The following PRUNE2 variants were observed in gnomAD, a reference collection of about 807,000 sequenced individuals.
PRUNE2 encodes the protein protein prune homolog 2.
In PRUNE2, 164 loss-of-function variants were observed where a neutral mutation model predicts 252.0. The observed-to-expected ratio is 0.65, with a 90% confidence interval of 0.57 to 0.74. The LOEUF (loss-of-function observed/expected upper bound fraction) is 0.74. PRUNE2 is among the 30% of genes least tolerant of loss of function. The pLI, the probability that PRUNE2 is intolerant of heterozygous loss-of-function variation, is 0.00. For synonymous variants in PRUNE2, 1,292 were observed against 1,350.2 expected, an observed-to-expected ratio of 0.96 and a Z score of 0.94; for missense variants, 3,495 against 3,711.0, an observed-to-expected ratio of 0.94 and a Z score of 1.51.
intron 18 of PRUNE2, among the ~76,000 whole-genome samples, chr9:76,616,189 T>C (rs1233762421): frequency 2.0e-5 from 3 of 152,232 alleles, no homozygotes; most frequent in African/African-American, 7.2e-5. Context: ...GCCCTCTGAC[T>C]TGTTTTCTTA....
rs540716868 is a variant in PRUNE2, at chr9:76,707,979, T to A, written c.4295A>T (p.Lys1432Ile). The A allele has an allele frequency of 4.2e-5, 67 of 1,613,944 alleles. No homozygotes were observed. The highest frequency in any genetic ancestry group is 1.3e-4 in the Admixed American group (8 of 60,022). The change falls in exon 8 of 19, where the codon AAA (lysine) becomes ATA (isoleucine). Residue 1432 changes from lysine (K) to isoleucine (I), a missense_variant. Coordinates refer to ENST00000376718, the MANE Select transcript of PRUNE2 (RefSeq NM_015225.3). Reference sequence around the variant, plus strand: ...TGAATTTCTTTGACTCATGAGGTGTTTTTCATGGGTATCTTTTGGCTGCAG... The same window carrying A: ...TGAATTTCTTTGACTCATGAGGTGTATTTCATGGGTATCTTTTGGCTGCAG... Reference protein sequence around the residue: ...DNLQPKDTHEKHLMSQRNSGE... With the variant: ...DNLQPKDTHEIHLMSQRNSGE...
At chr9:76,631,472 T>C (rs1053511696) in intron 15 of PRUNE2, among the ~76,000 whole-genome samples, 1 of 152,198 alleles carries the variant, frequency 6.6e-6, no homozygotes, top group African/African-American at 2.4e-5. Flanking sequence ...TTGATGCAGA[T>C]TATCAGCTTT....
At chr9:76,734,352 C>T (rs753679377) in intron 6 of PRUNE2, among the ~76,000 whole-genome samples, 16 of 152,084 alleles carry the variant, frequency 1.1e-4, no homozygotes, top group Non-Finnish European at 2.1e-4. Flanking sequence ...TTAAGATCAT[C>T]GAACCTACAG....
At chr9:76,795,805 G>C (rs1224626763) in intron 6 of PRUNE2, among the ~76,000 whole-genome samples, 2 of 152,086 alleles carry the variant, frequency 1.3e-5, no homozygotes, top group Non-Finnish European at 2.9e-5. Flanking sequence ...AAAGCCCCAG[G>C]TGTACATAAA....
At chr9:76,884,892 T>A (rs2133364386) in intron 1 of PRUNE2, among the ~76,000 whole-genome samples, 1 of 152,366 alleles carries the variant, frequency 6.6e-6, no homozygotes, top group East Asian at 1.9e-4. Flanking sequence ...CCTCTCATTA[T>A]TCCCTGGAGC....
At chr9:76,905,874 T>C (rs45561137) in intron 1 of PRUNE2, 54 bp downstream of exon 1, 64 of 1,611,362 alleles carry the variant, frequency 4.0e-5, no homozygotes, top group Non-Finnish European at 5.1e-5. Flanking sequence ...CCTCTCCACC[T>C]TTCCATTAGC....
intron 10 of PRUNE2, among the ~76,000 whole-genome samples, chr9:76,653,077 G>C (rs1235317344): frequency 1.3e-5 from 2 of 152,084 alleles, no homozygotes; most frequent in Non-Finnish European, 2.9e-5. Flanking sequence ...GCAGCCCTCT[G>C]TAACTGGATC....
chr9:76,850,947 T>C lies in PRUNE2; in HGVS notation c.142-282A>G, dbSNP rs150118897. Reference sequence around the variant, plus strand: ...TGCACCATTTGTATATATAAATATATACTACATATGATTAAAATTTAAATA... The same window carrying C: ...TGCACCATTTGTATATATAAATATACACTACATATGATTAAAATTTAAATA... On this transcript the variant is annotated intron_variant, in intron 2 of 18. Coordinates refer to ENST00000376718, the MANE Select transcript of PRUNE2 (RefSeq NM_015225.3). Among the ~76,000 whole-genome samples, 684 of 151,904 alleles carry C rather than the reference T, an allele frequency of 4.5e-3. 5 individuals carry two copies. Among genetic ancestry groups the C allele is most frequent in the African/African-American group, 0.016 (660 of 41,332 alleles).
intron 6 of PRUNE2, among the ~76,000 whole-genome samples, chr9:76,818,815 A>G (rs1445611245): frequency 6.6e-6 from 1 of 152,196 alleles, no homozygotes; most frequent in African/African-American, 2.4e-5. Context: ...TATTCTTTTA[A>G]GTTGTCTGAA....
At chr9:76,615,219 G>C in intron 18 of PRUNE2, 1 of 985,374 alleles carries the variant, frequency 1.0e-6, no homozygotes, top group Non-Finnish European at 1.2e-6. Flanking sequence ...CTGCTTCTTA[G>C]TGAACACAGC....
chr9:76,621,363 A>AGG (rs1320562045), intron 17 of PRUNE2, among the ~76,000 whole-genome samples: 1 of 152,200 alleles, frequency 6.6e-6, no homozygotes, highest in African/African-American at 2.4e-5. Context: ...CTGGTGGCCG[A>AGG]GATGGTGGGA....
At chr9:76,634,067 G>A (rs1011460482) in intron 15 of PRUNE2, among the ~76,000 whole-genome samples, 4 of 152,082 alleles carry the variant, frequency 2.6e-5, no homozygotes, top group Non-Finnish European at 5.9e-5. Flanking sequence ...AGCCATGATC[G>A]TGCCACTGCA....
intron 6 of PRUNE2, among the ~76,000 whole-genome samples, chr9:76,727,247 C>A (rs1323354045): frequency 6.6e-6 from 1 of 152,202 alleles, no homozygotes; most frequent in African/African-American, 2.4e-5. Flanking sequence ...AGAAAAACAG[C>A]AGGAGACTCT....
At chr9:76,783,186 G>A (rs1021460605) in intron 6 of PRUNE2, among the ~76,000 whole-genome samples, 5 of 152,080 alleles carry the variant, frequency 3.3e-5, no homozygotes, top group Non-Finnish European at 4.4e-5. Context: ...GCCCAGGTTC[G>A]AGTGCAATGG....
intron 16 of PRUNE2, among the ~76,000 whole-genome samples, chr9:76,625,505 T>C (rs1834296700): frequency 6.6e-6 from 1 of 152,202 alleles, no homozygotes; most frequent in Non-Finnish European, 1.5e-5. Context: ...AGGTGATGTA[T>C]GATGGTAATA....
chr9:76,776,650 G>T (rs2053800015), intron 6 of PRUNE2, among the ~76,000 whole-genome samples: 1 of 150,720 alleles, frequency 6.6e-6, no homozygotes, highest in African/African-American at 2.4e-5. Flanking sequence ...AAGTAGCTAG[G>T]ATTACAGGTG....
Position 76,707,690 on chromosome 9 carries a change from AGACGAACCGGCT to A in PRUNE2, c.4572_4583del (p.Ala1525_Ser1528del). The stretch of plus-strand genomic sequence containing the variant: ...AAATAGTATCTCTGTCAAAATTTCC[AGACGAACCGGCT>A]CCTGGAAGGCTATTTTCAGACCCCT... On this transcript the variant is annotated inframe_deletion, in exon 8 of 19. Coordinates refer to ENST00000376718, the MANE Select transcript of PRUNE2 (RefSeq NM_015225.3). 2 of 1,613,912 alleles carry A rather than the reference AGACGAACCGGCT, an allele frequency of 1.2e-6. No homozygotes were observed. The highest frequency in any genetic ancestry group is 1.7e-6 in the Non-Finnish European group (2 of 1,179,866).
chr9:76,659,950 T>A (rs1472190353), intron 9 of PRUNE2, among the ~76,000 whole-genome samples: 1 of 151,880 alleles, frequency 6.6e-6, no homozygotes, highest in African/African-American at 2.4e-5. Flanking sequence ...TCAGAGGTTT[T>A]TCCTCTTTGC....
rs1331740508 is a variant in PRUNE2, at chr9:76,787,565, A to C, written c.756+36067T>G. On this transcript the variant is annotated intron_variant, in intron 6 of 18. Transcript: ENST00000376718. The stretch of plus-strand genomic sequence containing the variant: ...GAACGTAAAGTAAAATTTAAAAAAA[A>C]GTGATCCTTTGCCATGTTTGTTAGC... 6 of 152,180 alleles carry C rather than the reference A, an allele frequency of 3.9e-5. No individual in the cohort carries two copies. In the East Asian group the frequency reaches 9.6e-4, roughly 24 times the overall value. The allele number at this position is 152,180 out of a possible 1,614,324, so 9.4% of individuals were successfully genotyped here.
Sources: gnomAD v4.1 joint callset for allele counts (sites outside exome capture counted in the v4.1 genomes callset) on GRCh38, gnomAD v4.1.1 for gene constraint, MANE v1.5 for transcripts, NCBI Gene and HGNC (gene_info 2026-07-23, HGNC 2026-07-21) for gene names.